Variants in MYB observed in about 807,000 individuals in gnomAD.
MYB encodes the protein transcriptional activator Myb.
MYB carries 28 observed loss-of-function variants against 92.9 expected under a neutral mutation model. The ratio of observed to expected loss-of-function variants is 0.30; its 90% CI spans 0.22 to 0.41. The LOEUF (loss-of-function observed/expected upper bound fraction) is 0.41, where lower values mean the gene tolerates loss of function less well. Among genes scored for constraint, MYB ranks in the 10% least tolerant of loss-of-function variants. MYB has a pLI of 1.00. For missense variants in MYB, 679 were observed against 929.3 expected (o/e 0.73, Z 3.50); for synonymous variants, 295 against 329.1 (o/e 0.90, Z 1.12).
chr6:135,209,539 T>G (rs1779433042), intron 15 of MYB, among the ~76,000 whole-genome samples: 1 of 152,148 alleles, frequency 6.6e-6, no homozygotes, highest in Non-Finnish European at 1.5e-5. Flanking sequence ...TAGCCAAGAC[T>G]CAGTGAATTT....
At chr6:135,201,919 A>G (rs1248063420) in intron 14 of MYB, among the ~76,000 whole-genome samples, 170 bp downstream of exon 14, 1 of 152,188 alleles carries the variant, frequency 6.6e-6, no homozygotes, top group Non-Finnish European at 1.5e-5. Flanking sequence ...TGTAGAGTAT[A>G]AAGTTGAGAT....
At chr6:135,203,170 A>C in intron 14 of MYB, 47 bp from the exon 15 acceptor site, 3 of 1,376,012 alleles carry the variant, frequency 2.2e-6, no homozygotes, top group Non-Finnish European at 3.1e-6. Context: ...TGTGGCTCTC[A>C]TATTATCCAA....
intron 3 of MYB, among the ~76,000 whole-genome samples, 178 bp from the exon 4 acceptor site, chr6:135,189,613 T>C (rs1412836330): frequency 1.3e-5 from 2 of 152,226 alleles, no homozygotes; most frequent in Non-Finnish European, 2.9e-5. Context: ...AACTTTGATA[T>C]ATTACTTGCA....
chr6:135,197,803 TA>T (rs1562378746), intron 10 of MYB, among the ~76,000 whole-genome samples: 1 of 152,218 alleles, frequency 6.6e-6, no homozygotes, highest in East Asian at 1.9e-4. Context: ...AATTCATCTT[TA>T]AATGGAAGAG....
At position 135,199,462 on chromosome 6, in the gene MYB, ATTAT is replaced by A. The variant is rs1317044260; in HGVS notation, c.1709+423_1709+426del. ...TATTTTTATTTAATTTTATTTGTTTATTATTTATTTATTTTTAGTTTGTATTTTT... is the reference window on the plus strand; with the variant it reads ...TATTTTTATTTAATTTTATTTGTTTATTATTTATTTTTAGTTTGTATTTTT... On this transcript the variant is annotated intron_variant, in intron 11 of 15. Coordinates refer to ENST00000341911, the MANE Select transcript of MYB (RefSeq NM_001130173.2). 2.5e-5 allele frequency: 12 copies of A among 487,140 alleles called. No homozygotes were observed. In the East Asian group the frequency reaches 3.7e-4, roughly 15 times the overall value. 30.2% of individuals were successfully genotyped at this position (487,140 alleles called of 1,614,324 possible).
intron 1 of MYB, among the ~76,000 whole-genome samples, chr6:135,184,015 C>G (rs1775550587): frequency 6.6e-6 from 1 of 152,192 alleles, no homozygotes; most frequent in Non-Finnish European, 1.5e-5. Flanking sequence ...TTCCCGTGCT[C>G]TCACCTGACG....
intron 1 of MYB, among the ~76,000 whole-genome samples, chr6:135,184,359 G>A (rs1056369787): frequency 1.2e-4 from 10 of 81,352 alleles, no homozygotes; most frequent in African/African-American, 4.9e-4. Flanking sequence ...TTATCATATC[G>A]TGTTTTACAT....
chr6:135,194,925 C>T (rs370103006), intron 8 of MYB: 31 of 1,302,152 alleles, frequency 2.4e-5, no homozygotes, highest in African/African-American at 1.4e-4. Context: ...TCATAAATAA[C>T]ATTAGCTGCT....
intron 3 of MYB, 99 bp downstream of exon 3, chr6:135,188,004 T>C (rs1776143185): frequency 1.3e-6 from 1 of 772,166 alleles, no homozygotes; most frequent in Non-Finnish European, 2.0e-6. Context: ...TATAATTTAC[T>C]CACATTTAAG....
In MYB at chr6:135,181,663, C is replaced by G; in HGVS notation, c.23+127C>G. 1.8e-6 allele frequency: 1 copy of G among 547,992 alleles called. No homozygotes were observed. The highest frequency in any genetic ancestry group is 2.5e-6 in the Non-Finnish European group (1 of 404,676). 33.9% of individuals were successfully genotyped at this position (547,992 alleles called of 1,614,324 possible). A position where few individuals can be genotyped will look rare whatever the true frequency, so the allele number is the denominator to read the frequency against. ...AGGGGCTGTCAGACCCTCCGAGGAC[C>G]TGGAGCCCCTGCCTCGGCAGCAGAA... On this transcript the variant is annotated intron_variant, in intron 1 of 15. Transcript: ENST00000341911. This position sits in a 1 kb window ranked among gnomAD's most constrained non-coding sequence, Gnocchi z 5.3.
chr6:135,188,594 CCG>C (rs1776246414), intron 3 of MYB, among the ~76,000 whole-genome samples: 4 of 151,160 alleles, frequency 2.6e-5, no homozygotes, highest in Admixed American at 2.0e-4. Flanking sequence ...ACTGCAACCT[CCG>C]CCTCCCAGGT....
chr6:135,187,048 G>C (rs996803618), intron 2 of MYB, among the ~76,000 whole-genome samples: 1 of 152,088 alleles, frequency 6.6e-6, no homozygotes, highest in African/African-American at 2.4e-5. Context: ...TGTCAACATT[G>C]GTTTCCTAAT....
chr6:135,214,232 GC>G (rs1270554405), intron 15 of MYB, among the ~76,000 whole-genome samples: 1 of 151,622 alleles, frequency 6.6e-6, no homozygotes, highest in East Asian at 1.9e-4. Context: ...CTGTGATCAC[GC>G]CCCTGCACTC....
intron 9 of MYB, chr6:135,196,647 C>T (rs1314691402): frequency 5.6e-6 from 5 of 900,008 alleles, no homozygotes; most frequent in Middle Eastern, 2.4e-4. Flanking sequence ...ATTTATTGCA[C>T]ACTCATTGGT....
intron 11 of MYB, 73 bp from the exon 12 acceptor site, chr6:135,200,012 A>T: frequency 8.6e-7 from 1 of 1,163,106 alleles, no homozygotes; most frequent in Non-Finnish European, 1.3e-6. Flanking sequence ...GAAAAATGTT[A>T]AATGTAACAG....
At position 135,192,336 on chromosome 6, in the gene MYB, T is replaced by C. The variant is rs1776732953; in HGVS notation, c.540T>C (p.Ala180=). 6.2e-7 allele frequency: 1 copy of C among 1,613,810 alleles called. No individual in the cohort carries two copies. Among genetic ancestry groups the C allele is most frequent in the Non-Finnish European group, 8.5e-7 (1 of 1,179,754 alleles). Residue 180 remains alanine (A), a synonymous_variant, in exon 6 of 16, where the codon GCT becomes GCC. Coordinates refer to ENST00000341911, the MANE Select transcript of MYB (RefSeq NM_001130173.2). ...TATTTCTGTGCAGAACTGATAATGC[T>C]ATCAAGAACCACTGGAATTCTACAA... ...AKLLPGRTDN[A]IKNHWNSTMR...
chr6:135,197,329 A>G lies in MYB; in HGVS notation c.1566+6A>G. The stretch of plus-strand genomic sequence containing the variant: ...TACCCTTCTCTCCCTCGCAGGTAGA[A>G]CACAATTTCTGCACAGCTGTTACTC... On this transcript the variant is annotated splice_donor_region_variant and intron_variant, in intron 10 of 15. Coordinates refer to ENST00000341911, the MANE Select transcript of MYB (RefSeq NM_001130173.2). 1 of 1,592,494 alleles carries G rather than the reference A, an allele frequency of 6.3e-7. No individual in the cohort carries two copies. Among genetic ancestry groups the G allele is most frequent in the Non-Finnish European group, 8.6e-7 (1 of 1,166,144 alleles).
At chr6:135,216,909 C>T (rs1225146318) in intron 15 of MYB, among the ~76,000 whole-genome samples, 1 of 152,170 alleles carries the variant, frequency 6.6e-6, no homozygotes, top group East Asian at 1.9e-4. Context: ...CAAGTTACCT[C>T]CATTTTCTGT....
intron 3 of MYB, 53 bp from the exon 4 acceptor site, chr6:135,189,738 T>G (rs1319850737): frequency 1.1e-5 from 16 of 1,485,280 alleles, no homozygotes; most frequent in Non-Finnish European, 1.4e-5. Flanking sequence ...AACAAAAAAT[T>G]CACGTGCTTA....
Sources: allele counts gnomAD v4.1 joint callset (sites outside exome capture counted in the v4.1 genomes callset), GRCh38; gene constraint gnomAD v4.1.1; non-coding constraint Gnocchi (gnomAD v3.1); transcripts MANE v1.5; gene names NCBI Gene and HGNC (gene_info 2026-07-23, HGNC 2026-07-21).